EED: variants seen among roughly 807,000 people sequenced by gnomAD.
EED encodes the protein polycomb protein EED.
Under a neutral mutation model 61.0 loss-of-function variants are expected in EED, and 9 were observed. That is an observed-to-expected ratio of 0.15 (90% confidence interval 0.09 to 0.26). The LOEUF is 0.26. EED is among the 10% of genes least tolerant of loss of function. The pLI, the probability that EED is intolerant of heterozygous loss-of-function variation, is 1.00. For missense variants in EED, 315 were observed against 542.3 expected (o/e 0.58, Z 4.16); for synonymous variants, 187 against 174.4 (o/e 1.07, Z -0.57).
intron 6 of EED, among the ~76,000 whole-genome samples, chr11:86,261,527 G>A (rs1165269527): frequency 6.6e-6 from 1 of 152,230 alleles, no homozygotes; most frequent in African/African-American, 2.4e-5. Flanking sequence ...GGATTTGGGG[G>A]ATGGCTTTTT....
In EED at chr11:86,245,128, G is replaced by T; in HGVS notation, c.-102G>T. ...TGGGGGGGGCGGTGGAGGTGGCGGC[G>T]GCAGCGGCAACTTTGCGGCAAGCTC... On this transcript the variant is annotated 5_prime_UTR_variant, in exon 1 of 12. Transcript: ENST00000263360. 1 of 859,570 alleles carries T rather than the reference G, an allele frequency of 1.2e-6. No homozygotes were observed. The highest frequency in any genetic ancestry group is 1.8e-6 in the Non-Finnish European group (1 of 563,080). 53.2% of individuals were successfully genotyped at this position (859,570 alleles called of 1,614,324 possible).
intron 9 of EED, among the ~76,000 whole-genome samples, chr11:86,269,047 T>C (rs1946050484): frequency 6.6e-6 from 1 of 152,228 alleles, no homozygotes; most frequent in Non-Finnish European, 1.5e-5. Flanking sequence ...AAACCCATCA[T>C]AAATTGAAAA....
chr11:86,258,523 CA>C (rs564848621), intron 6 of EED, among the ~76,000 whole-genome samples: 112 of 149,934 alleles, frequency 7.5e-4, no homozygotes, highest in African/African-American at 2.3e-3. Context: ...CTAAATATTA[CA>C]ACTTTTTTTT....
chr11:86,247,329 A>G (rs1332206846), intron 1 of EED, among the ~76,000 whole-genome samples: 1 of 152,248 alleles, frequency 6.6e-6, no homozygotes, highest in Non-Finnish European at 1.5e-5. Context: ...GAAATACAGG[A>G]TATGAGGTTA....
intron 7 of EED, 127 bp downstream of exon 7, chr11:86,264,390 AC>A: frequency 1.7e-6 from 1 of 595,644 alleles, no homozygotes; most frequent in Non-Finnish European, 3.0e-6. Flanking sequence ...CTTACATTTG[AC>A]ATAGAAGATT....
At chr11:86,274,071 G>A (rs1397803803) in intron 9 of EED, among the ~76,000 whole-genome samples, 3 of 148,778 alleles carry the variant, frequency 2.0e-5, no homozygotes, top group East Asian at 1.9e-4. Context: ...ATGTTAGATC[G>A]TTTGTTTGGT....
intron 6 of EED, among the ~76,000 whole-genome samples, chr11:86,263,098 A>G (rs755222983): frequency 2.0e-5 from 3 of 152,066 alleles, no homozygotes; most frequent in African/African-American, 2.4e-5. Context: ...GAACCATCAC[A>G]CCCTGCCAAC....
chr11:86,279,496 C>T (rs1189285486), downstream of EED, among the ~76,000 whole-genome samples: 1 of 152,104 alleles, frequency 6.6e-6, no homozygotes, highest in Non-Finnish European at 1.5e-5. Flanking sequence ...CAAAAATTCC[C>T]TAAAGAGTGA....
the EED span, among the ~76,000 whole-genome samples, chr11:86,286,971 C>CAAA: frequency 1.6e-3 from 111 of 68,020 alleles, no homozygotes; most frequent in Middle Eastern, 0.01. Context: ...GACTCCGTCT[C>CAAA]AAAAAAAAAA....
intron 6 of EED, among the ~76,000 whole-genome samples, chr11:86,263,755 G>A (rs1322386291): frequency 6.6e-6 from 1 of 152,160 alleles, no homozygotes; most frequent in Non-Finnish European, 1.5e-5. Context: ...CATGGTGCCG[G>A]CATCTGGTGA....
intron 4 of EED, among the ~76,000 whole-genome samples, chr11:86,255,676 A>G (rs936499572): frequency 6.6e-6 from 1 of 152,054 alleles, no homozygotes; most frequent in East Asian, 1.9e-4. Context: ...TTGGCTTGTG[A>G]CTGGTAGTCA....
At chr11:86,273,202 T>G (rs1239357263) in intron 9 of EED, among the ~76,000 whole-genome samples, 1 of 152,160 alleles carries the variant, frequency 6.6e-6, no homozygotes, top group Non-Finnish European at 1.5e-5. Context: ...TTCTTTAATG[T>G]GTGGAGGTGG....
At chr11:86,265,977 A>G in intron 7 of EED, 106 bp from the exon 8 acceptor site, 1 of 952,348 alleles carries the variant, frequency 1.1e-6, no homozygotes, top group South Asian at 1.8e-5. Flanking sequence ...TGTAGTTTGT[A>G]TTGTGATTTG....
intron 6 of EED, among the ~76,000 whole-genome samples, chr11:86,259,115 G>A (rs1423922554): frequency 1.3e-5 from 2 of 151,516 alleles, no homozygotes; most frequent in Non-Finnish European, 2.9e-5. Context: ...TGGTCCACCC[G>A]CATCGGCCTC....
At chr11:86,260,403 A>T (rs72963978) in intron 6 of EED, among the ~76,000 whole-genome samples, 6 of 151,834 alleles carry the variant, frequency 4.0e-5, no homozygotes, top group Non-Finnish European at 7.4e-5. Flanking sequence ...ATTTTTAAAA[A>T]TTTTTTGTAG....
chr11:86,278,143 A>G, intron 11 of EED, 152 bp downstream of exon 11: 2 of 1,341,958 alleles, frequency 1.5e-6, no homozygotes, highest in Non-Finnish European at 1.9e-6. Context: ...TTTTTATTCC[A>G]ATAATTTTTG....
At chr11:86,255,347 C>T in intron 4 of EED, 60 bp downstream of exon 4, 1 of 1,327,680 alleles carries the variant, frequency 7.5e-7, no homozygotes, top group Non-Finnish European at 1.1e-6. Flanking sequence ...AATAAGTGCA[C>T]CAAAACTTTT....
At chr11:86,251,436 A>G (rs907191872) in intron 2 of EED, among the ~76,000 whole-genome samples, 1 of 152,218 alleles carries the variant, frequency 6.6e-6, no homozygotes, top group Non-Finnish European at 1.5e-5. Context: ...TTTTCAAATG[A>G]TGAGAAAACG....
At chr11:86,274,978 C>G (rs1386861322) in intron 9 of EED, among the ~76,000 whole-genome samples, 1 of 152,138 alleles carries the variant, frequency 6.6e-6, no homozygotes, top group Non-Finnish European at 1.5e-5. Flanking sequence ...AAATTTTGTC[C>G]TGTTAGGCTG....
Sources: allele counts gnomAD v4.1 joint callset (sites outside exome capture counted in the v4.1 genomes callset), GRCh38; gene constraint gnomAD v4.1.1; transcripts MANE v1.5; gene names NCBI Gene and HGNC (gene_info 2026-07-23, HGNC 2026-07-21).